MS4A4A: variants seen among roughly 807,000 people sequenced by gnomAD.
MS4A4A encodes the protein membrane-spanning 4-domains subfamily A member 4A.
A neutral mutation model predicts 28.0 loss-of-function variants in MS4A4A; 26 were observed. That is an observed-to-expected ratio of 0.93 (90% CI 0.68 to 1.29). MS4A4A has a LOEUF of 1.29. MS4A4A is among the 50% of genes most tolerant of loss of function. MS4A4A has a pLI of 0.00. For missense variants in MS4A4A, 290 were observed against 293.1 expected, an observed-to-expected ratio of 0.99 and a Z score of 0.08; for synonymous variants, 86 against 100.8, an observed-to-expected ratio of 0.85 and a Z score of 0.88.
At chr11:60,292,412 A>G (rs1199129069) in intron 2 of MS4A4A, 28 bp downstream of exon 2, 11 of 1,557,800 alleles carry the variant, frequency 7.1e-6, no homozygotes, top group Admixed American at 1.9e-5. Context: ...GGGAAGACCA[A>G]TGGTGTTGCA....
chr11:60,286,566 C>T (rs117205026), intron 1 of MS4A4A, among the ~76,000 whole-genome samples: 103 of 152,318 alleles, frequency 6.8e-4, no homozygotes, highest in Non-Finnish European at 1.1e-3. Context: ...CCTGACTTCC[C>T]GCAACAGTAG....
At chr11:60,295,319 G>A (rs1339439190) in intron 2 of MS4A4A, among the ~76,000 whole-genome samples, 3 of 151,932 alleles carry the variant, frequency 2.0e-5, no homozygotes, top group Non-Finnish European at 4.4e-5. Flanking sequence ...GAAAGTAATT[G>A]TCTCTTGTGT....
In MS4A4A at chr11:60,285,119, C is replaced by T. The variant is rs558194856; in HGVS notation, c.41+4403C>T. 1.3e-4 allele frequency among the ~76,000 whole-genome samples: 19 copies of T among 151,872 alleles called. 1 individual carries two copies. In the South Asian group the frequency reaches 1.5e-3, roughly 12 times the overall value. ...CTAATCAAGAGTGGCAAGAACTCAACGTAACAGAAACCCTAAGAGGGCTAT... is the reference window on the plus strand; with the variant it reads ...CTAATCAAGAGTGGCAAGAACTCAATGTAACAGAAACCCTAAGAGGGCTAT... On this transcript the variant is annotated intron_variant, in intron 1 of 6. Transcript: ENST00000337908.
intron 1 of MS4A4A, among the ~76,000 whole-genome samples, chr11:60,286,491 T>C (rs2084804856): frequency 6.6e-6 from 1 of 152,214 alleles, no homozygotes; most frequent in Non-Finnish European, 1.5e-5. Flanking sequence ...CTAATGAATG[T>C]CCATGAAATC....
At chr11:60,301,117 C>A in intron 4 of MS4A4A, 60 bp downstream of exon 4, 1 of 1,311,290 alleles carries the variant, frequency 7.6e-7, no homozygotes, top group South Asian at 1.4e-5. Context: ...AAAATGTATT[C>A]TGCCAGGGTG....
At chr11:60,294,925 T>TCTTCTTCTTCTTCTTCTTCTTCTTCTG (rs2084892284) in intron 2 of MS4A4A, among the ~76,000 whole-genome samples, 1 of 151,070 alleles carries the variant, frequency 6.6e-6, no homozygotes, top group African/African-American at 2.4e-5. Context: ...TTCTTCTTCT[T>TCTTCTTCTTCTTCTTCTTCTTCTTCTG]CTTCTTCTTC....
intron 1 of MS4A4A, among the ~76,000 whole-genome samples, chr11:60,283,089 T>C (rs936512181): frequency 6.6e-6 from 1 of 151,984 alleles, no homozygotes; most frequent in Non-Finnish European, 1.5e-5. Context: ...AAGGAACCAA[T>C]GACAAACTAT....
intron 2 of MS4A4A, chr11:60,296,948 T>A: frequency 2.3e-6 from 1 of 425,634 alleles, no homozygotes; most frequent in South Asian, 2.4e-5. Context: ...GAAAAGCACC[T>A]CTGGGCTGGT....
At chr11:60,282,354 T>C (rs918033527) in intron 1 of MS4A4A, among the ~76,000 whole-genome samples, 1 of 152,172 alleles carries the variant, frequency 6.6e-6, no homozygotes, top group Non-Finnish European at 1.5e-5. Context: ...AAAGTACACA[T>C]TTAGATGGAC....
chr11:60,281,666 A>T (rs141519483), intron 1 of MS4A4A, among the ~76,000 whole-genome samples: 1 of 152,290 alleles, frequency 6.6e-6, no homozygotes, highest in East Asian at 1.9e-4. Context: ...CTCTCCTTGC[A>T]ATTGTGACCC....
At chr11:60,292,575 T>C (rs571199281) in intron 2 of MS4A4A, among the ~76,000 whole-genome samples, 191 bp downstream of exon 2, 84 of 152,370 alleles carry the variant, frequency 5.5e-4, no homozygotes, top group South Asian at 4.1e-3. Context: ...AGTTGAGTTA[T>C]ATTTAAAATA....
intron 1 of MS4A4A, 101 bp from the exon 2 acceptor site, chr11:60,292,124 T>C (rs2084862351): frequency 1.5e-6 from 2 of 1,363,406 alleles, no homozygotes; most frequent in Admixed American, 2.7e-5. Flanking sequence ...GGGAAGAGAA[T>C]GTAGACCAGA....
intron 5 of MS4A4A, among the ~76,000 whole-genome samples, chr11:60,304,005 C>T (rs941482860): frequency 3.3e-5 from 5 of 152,088 alleles, no homozygotes; most frequent in African/African-American, 1.2e-4. Context: ...ATTTCTATTG[C>T]TTTTTATAGT....
Position 60,292,332 on chromosome 11 carries a change from T to C in MS4A4A, c.149T>C (p.Leu50Pro). The stretch of plus-strand genomic sequence containing the variant: ...AACATGGCTGTCATACATTCACATC[T>C]GTGGAAAGGATTGCAAGAGAAGTTC... ...LGNMAVIHSHLWKGLQEKFLK... is the reference protein window; with the variant it reads ...LGNMAVIHSHPWKGLQEKFLK... Residue 50 changes from leucine (L) to proline (P), a missense_variant, in exon 2 of 7, where the codon CTG becomes CCG. Physicochemically the swap from Leu to Pro is moderately conservative, Grantham distance 98 (BLOSUM62 -3). Transcript: ENST00000337908. 1 of 1,610,132 alleles carries C rather than the reference T, an allele frequency of 6.2e-7. No individual in the cohort carries two copies. Among genetic ancestry groups the C allele is most frequent in the South Asian group, 1.1e-5 (1 of 90,320 alleles).
At chr11:60,307,393 A>G (rs1467645612) in intron 6 of MS4A4A, among the ~76,000 whole-genome samples, 1 of 152,236 alleles carries the variant, frequency 6.6e-6, no homozygotes, top group Non-Finnish European at 1.5e-5. Flanking sequence ...AGAGATTCTC[A>G]GCAATTACCA....
chr11:60,297,903 G>A (rs534149071), intron 3 of MS4A4A, among the ~76,000 whole-genome samples: 212 of 152,270 alleles, frequency 1.4e-3, no homozygotes, highest in African/African-American at 5.0e-3. Flanking sequence ...AAGAAGAGGA[G>A]ATGTGGCTGG....
At chr11:60,295,491 T>C (rs1197195548) in intron 2 of MS4A4A, among the ~76,000 whole-genome samples, 2 of 152,106 alleles carry the variant, frequency 1.3e-5, no homozygotes, top group Non-Finnish European at 2.9e-5. Flanking sequence ...TTCCTTTTCT[T>C]GTCTTACTGT....
intron 4 of MS4A4A, among the ~76,000 whole-genome samples, chr11:60,302,351 T>C (rs573576949): frequency 6.6e-6 from 1 of 152,354 alleles, no homozygotes; most frequent in East Asian, 1.9e-4. Context: ...GGGAATCATC[T>C]GAAGAATTGA....
chr11:60,285,007 C>T (rs552341081), intron 1 of MS4A4A, among the ~76,000 whole-genome samples: 13 of 152,128 alleles, frequency 8.5e-5, no homozygotes, highest in African/African-American at 1.2e-4. Context: ...AGAAGATATT[C>T]GGCCTTCCTC....
Sources: allele counts gnomAD v4.1 joint callset (sites outside exome capture counted in the v4.1 genomes callset), GRCh38; gene constraint gnomAD v4.1.1; transcripts MANE v1.5; gene names NCBI Gene and HGNC (gene_info 2026-07-23, HGNC 2026-07-21).